The following ADAM18 variants were observed in gnomAD, a reference collection of about 807,000 sequenced individuals.
ADAM18 encodes the protein disintegrin and metalloproteinase domain-containing protein 18.
A neutral mutation model predicts 94.4 loss-of-function variants in ADAM18; 117 were observed. The observed-to-expected ratio is 1.24, with a 90% CI of 1.07 to 1.45. The LOEUF (loss-of-function observed/expected upper bound fraction) is 1.45, where lower values mean the gene tolerates loss of function less well. Ranked by LOEUF, ADAM18 falls within the 40% of genes most tolerant of loss-of-function variation. The pLI is 0.00. For synonymous variants in ADAM18, 327 were observed against 291.6 expected, an observed-to-expected ratio of 1.12 and a Z score of -1.24; for missense variants, 936 against 880.0, an observed-to-expected ratio of 1.06 and a Z score of -0.81.
chr8:39,686,991 A>G lies in ADAM18; in HGVS notation c.1822-5609A>G, dbSNP rs1014542615. Among the ~76,000 whole-genome samples, 4 of 152,334 alleles carry G rather than the reference A, an allele frequency of 2.6e-5. No homozygotes were observed. In the East Asian group the frequency reaches 5.8e-4, roughly 22 times the overall value. On this transcript the variant is annotated intron_variant, in intron 16 of 19. Coordinates refer to ENST00000265707, the MANE Select transcript of ADAM18 (RefSeq NM_014237.3). ...ATGTTGACCACATTGATTTTTTAAA[A>G]TAGATTCCTATTTTTTTTTACTTGA...
chr8:39,701,217 A>T lies in ADAM18; in HGVS notation c.1903-5573A>T, dbSNP rs547741986. ...AATTGGCAATTTTATCCATCTTTTA[A>T]TTTTTTTCTAAAAATATATATATTT... On this transcript the variant is annotated intron_variant, in intron 17 of 19. Coordinates refer to ENST00000265707, the MANE Select transcript of ADAM18 (RefSeq NM_014237.3). Among the ~76,000 whole-genome samples, 8 of 141,604 alleles carry T rather than the reference A, an allele frequency of 5.6e-5. No homozygotes were observed. The East Asian group carries it at 1.7e-3, about 30-fold the overall frequency. 92.9% of individuals were successfully genotyped at this position (141,604 alleles called of 152,430 possible).
At chr8:39,679,938 C>A (rs1012566631) in intron 15 of ADAM18, 99 bp from the exon 16 acceptor site, 12 of 1,136,118 alleles carry the variant, frequency 1.1e-5, no homozygotes, top group Admixed American at 2.4e-5. Flanking sequence ...AGTTGTTATA[C>A]TATCAATTAA....
chr8:39,638,405 A>G, intron 9 of ADAM18, 60 bp from the exon 10 acceptor site: 1 of 1,181,970 alleles, frequency 8.5e-7, no homozygotes, highest in Non-Finnish European at 1.2e-6. Context: ...GTTTAATTTA[A>G]TACATAAGCT....
Position 39,680,202 on chromosome 8 carries a change from T to C in ADAM18, c.1797T>C (p.Asp599=), listed in dbSNP as rs1821415554. 1 of 1,612,582 alleles carries C rather than the reference T, an allele frequency of 6.2e-7. No homozygotes were observed. The highest frequency in any genetic ancestry group is 1.7e-5 in the Admixed American group (1 of 59,466). The change falls in exon 16 of 20, where the codon GAT becomes GAC. Residue 599 remains aspartate, a synonymous_variant. Transcript: ENST00000265707. The part of the protein sequence containing the change: ...SDGTDNAYVA[D]GTMCGPEMYC... ...GAACAGACAATGCCTATGTGGCTGA[T>C]GGCACCATGTGTGGTCCAGAAATGG...
At chr8:39,616,711 C>T (rs1217894716) in intron 6 of ADAM18, among the ~76,000 whole-genome samples, 3 of 152,146 alleles carry the variant, frequency 2.0e-5, no homozygotes, top group African/African-American at 7.2e-5. Flanking sequence ...AGAAATAAAG[C>T]TGCACATCTA....
chr8:39,690,059 G>A (rs1296855664), intron 16 of ADAM18, among the ~76,000 whole-genome samples: 2 of 152,166 alleles, frequency 1.3e-5, no homozygotes, highest in Non-Finnish European at 2.9e-5. Context: ...CATTGATTTT[G>A]TATTCGGAGA....
At chr8:39,599,541 C>G (rs1242026565) in intron 2 of ADAM18, among the ~76,000 whole-genome samples, 1 of 152,062 alleles carries the variant, frequency 6.6e-6, no homozygotes, top group Non-Finnish European at 1.5e-5. Context: ...ATAGATGTAT[C>G]TCAATGGGTT....
intron 18 of ADAM18, among the ~76,000 whole-genome samples, chr8:39,722,404 T>C (rs1403048132): frequency 6.6e-6 from 1 of 151,056 alleles, no homozygotes; most frequent in African/African-American, 2.4e-5. Flanking sequence ...GGCATTAACC[T>C]AAGTGAAATA....
intron 2 of ADAM18, among the ~76,000 whole-genome samples, chr8:39,603,113 G>A (rs145514407): frequency 1.1e-3 from 168 of 152,192 alleles, no homozygotes; most frequent in African/African-American, 3.8e-3. Flanking sequence ...TTCTATCACC[G>A]TCAATTGAAA....
At chr8:39,636,787 CCA>C (rs1382572663) in intron 7 of ADAM18, among the ~76,000 whole-genome samples, 1 of 151,680 alleles carries the variant, frequency 6.6e-6, no homozygotes, top group Non-Finnish European at 1.5e-5. Context: ...ACATTTCTCC[CCA>C]CACTCAGCCC....
chr8:39,651,541 G>A (rs1048273569), intron 12 of ADAM18, among the ~76,000 whole-genome samples: 2 of 152,190 alleles, frequency 1.3e-5, no homozygotes, highest in East Asian at 3.9e-4. Context: ...CTGCCTTCAA[G>A]CATTTGTTTA....
rs111562798 is a variant in ADAM18 at position 39,593,195 on chromosome 8, G to A, written c.132+7843G>A. ...AAGCTTTAGCTTAAGGGAATGTTAC[G>A]GCTGGTTTGATTGTCTATCCAGACG... On this transcript the variant is annotated intron_variant, in intron 2 of 19. Transcript: ENST00000265707. Among the ~76,000 whole-genome samples, 247 of 152,148 alleles carry A rather than the reference G, an allele frequency of 1.6e-3. 2 individuals are homozygous for A. Among genetic ancestry groups the A allele is most frequent in the African/African-American group, 5.7e-3 (238 of 41,546 alleles).
At chr8:39,713,847 A>C (rs547585045) in intron 18 of ADAM18, among the ~76,000 whole-genome samples, 186 of 152,292 alleles carry the variant, frequency 1.2e-3, no homozygotes, top group African/African-American at 4.4e-3. Context: ...TGGTGGGAGC[A>C]TAAATTAGTT....
chr8:39,664,818 T>C (rs1251314065), intron 13 of ADAM18, among the ~76,000 whole-genome samples: 2 of 152,190 alleles, frequency 1.3e-5, no homozygotes, highest in Non-Finnish European at 2.9e-5. Context: ...AGTAATATAG[T>C]ATTATGTCCA....
intron 17 of ADAM18, among the ~76,000 whole-genome samples, chr8:39,700,942 C>A (rs1822052675): frequency 6.6e-6 from 1 of 150,494 alleles, no homozygotes; most frequent in Non-Finnish European, 1.5e-5. Context: ...AACGGTGAAA[C>A]CCCGTCTCTA....
chr8:39,652,489 A>G (rs1425789806), intron 12 of ADAM18, among the ~76,000 whole-genome samples: 4 of 152,190 alleles, frequency 2.6e-5, no homozygotes, highest in Admixed American at 2.6e-4. Flanking sequence ...AAAATCAGAA[A>G]GAGATATTAC....
chr8:39,658,643 A>T (rs1820750647), intron 12 of ADAM18, among the ~76,000 whole-genome samples: 1 of 152,176 alleles, frequency 6.6e-6, no homozygotes. Flanking sequence ...CATGGTTTTA[A>T]ACCGCTAAGT....
intron 2 of ADAM18, among the ~76,000 whole-genome samples, chr8:39,605,933 CT>C (rs1224062172): frequency 6.6e-6 from 1 of 152,118 alleles, no homozygotes; most frequent in Non-Finnish European, 1.5e-5. Context: ...TTAGTTCCCA[CT>C]TATGAGTGAG....
intron 18 of ADAM18, among the ~76,000 whole-genome samples, chr8:39,707,608 A>G (rs1822275607): frequency 6.6e-6 from 1 of 152,194 alleles, no homozygotes; most frequent in Non-Finnish European, 1.5e-5. Context: ...TGTTTTAACC[A>G]TAGATCTTAG....
Sources: allele counts gnomAD v4.1 joint callset (sites outside exome capture counted in the v4.1 genomes callset), GRCh38; gene constraint gnomAD v4.1.1; transcripts MANE v1.5; gene names NCBI Gene and HGNC (gene_info 2026-07-23, HGNC 2026-07-21).